Variants in SEL1L observed in about 807,000 individuals in gnomAD.
SEL1L encodes protein sel-1 homolog 1.
Under a neutral mutation model 109.8 loss-of-function variants are expected in SEL1L, and 52 were observed. The ratio of observed to expected loss-of-function variants is 0.47; its 90% confidence interval spans 0.38 to 0.60. The LOEUF is 0.60. Among genes scored for constraint, SEL1L ranks in the 20% least tolerant of loss-of-function variants. The pLI is 0.00. For missense variants in SEL1L, 749 were observed against 962.2 expected, an observed-to-expected ratio of 0.78 and a Z score of 2.93; for synonymous variants, 373 against 339.6, an observed-to-expected ratio of 1.10 and a Z score of -1.08.
At chr14:81,486,648 T>TAA (rs373650913) in intron 16 of SEL1L, among the ~76,000 whole-genome samples, 194 bp from the exon 17 acceptor site, 5 of 143,264 alleles carry the variant, frequency 3.5e-5, no homozygotes, top group African/African-American at 5.0e-5. Flanking sequence ...AACAGGTTTA[T>TAA]AAAAAAAAAA....
chr14:81,492,010 T>C (rs1227356036), intron 12 of SEL1L, among the ~76,000 whole-genome samples: 1 of 152,084 alleles, frequency 6.6e-6, no homozygotes, highest in East Asian at 1.9e-4. Flanking sequence ...AGAATTAACA[T>C]ACTGATGAGC....
chr14:81,511,599 T>C (rs955804854), intron 3 of SEL1L, among the ~76,000 whole-genome samples: 8 of 152,234 alleles, frequency 5.3e-5, no homozygotes, highest in Non-Finnish European at 8.8e-5. Context: ...AAAAAGCCTT[T>C]TCATGAAAGT....
intron 3 of SEL1L, among the ~76,000 whole-genome samples, chr14:81,525,996 A>G (rs140370769): frequency 3.0e-4 from 45 of 152,264 alleles, no homozygotes; most frequent in African/African-American, 9.4e-4. Context: ...ATTCATGAGA[A>G]TGGTATATTT....
intron 3 of SEL1L, among the ~76,000 whole-genome samples, chr14:81,516,576 C>T (rs1474883588): frequency 6.6e-6 from 1 of 152,120 alleles, no homozygotes; most frequent in Non-Finnish European, 1.5e-5. Context: ...GGAACAAATT[C>T]CGGACACGCC....
intron 3 of SEL1L, among the ~76,000 whole-genome samples, chr14:81,513,462 G>A (rs867584113): frequency 3.9e-5 from 6 of 152,034 alleles, no homozygotes; most frequent in South Asian, 2.1e-4. Context: ...AACTCCAGAC[G>A]CGCCACCTTA....
rs1485373892 is a variant in SEL1L at position 81,502,810 on chromosome 14, A to G, written c.688T>C (p.Leu230=). The G allele has an allele frequency of 2.5e-6, 4 of 1,614,032 alleles. No homozygotes were observed. The highest frequency in any genetic ancestry group is 3.4e-6 in the Non-Finnish European group (4 of 1,180,002). Residue 230 remains leucine (L), a synonymous_variant, in exon 6 of 21, where the codon TTA becomes CTA. Coordinates refer to ENST00000336735, the MANE Select transcript of SEL1L (RefSeq NM_005065.6). ...TTCTGTGGCAAGTAATCACCAAATA[A>G]AAGAGCATATGACACTCTCTCCAGG... is the stretch of plus-strand genomic sequence containing the variant. ...KALERVSYAL[L]FGDYLPQNIQ...
chr14:81,498,253 T>C, intron 9 of SEL1L, 160 bp downstream of exon 9: 1 of 824,022 alleles, frequency 1.2e-6, no homozygotes, highest in Non-Finnish European at 1.8e-6. Context: ...AGCAAAATTA[T>C]ATAAAGAAAA....
In SEL1L at chr14:81,476,128, G is replaced by T. The variant is rs80320557; in HGVS notation, c.*844C>A. 4,099 of 152,272 alleles carry T rather than the reference G, an allele frequency of 0.027. 183 individuals carry two copies. The highest frequency in any genetic ancestry group is 0.094 in the African/African-American group (3,898 of 41,530). The allele number at this position is 152,272 out of a possible 1,614,324, so 9.4% of individuals were successfully genotyped here. A position where few individuals can be genotyped will look rare whatever the true frequency, so the allele number is the denominator to read the frequency against. The stretch of plus-strand genomic sequence containing the variant: ...TAGTACCCCAACCAGAGTTCGTTTT[G>T]TTTTCTAATTTCTCCCACTTAGTCC... On this transcript the variant is annotated 3_prime_UTR_variant, in exon 21 of 21. Coordinates refer to ENST00000336735, the MANE Select transcript of SEL1L (RefSeq NM_005065.6).
intron 19 of SEL1L, among the ~76,000 whole-genome samples, chr14:81,481,629 C>T (rs1047805025): frequency 6.6e-6 from 1 of 152,126 alleles, no homozygotes; most frequent in African/African-American, 2.4e-5. Context: ...AGTCAATCCT[C>T]ATATTTAATA....
In SEL1L at chr14:81,483,060, T is replaced by C. The variant is rs550017049; in HGVS notation, c.2046+1165A>G. On this transcript the variant is annotated intron_variant, in intron 19 of 20. Transcript: ENST00000336735. ...ACCTATCAAGTAGTCAGGAGATTGA[T>C]CATTAAAAATAATTTCTAATGACAA... 3.9e-5 allele frequency among the ~76,000 whole-genome samples: 6 copies of C among 152,334 alleles called. No individual in the cohort carries two copies. In the South Asian group the frequency reaches 1.2e-3, roughly 32 times the overall value.
chr14:81,492,226 C>T (rs1174296770), intron 12 of SEL1L, among the ~76,000 whole-genome samples: 2 of 151,952 alleles, frequency 1.3e-5, no homozygotes, highest in Non-Finnish European at 2.9e-5. Flanking sequence ...CTCCTGACCT[C>T]CTGATCCACC....
Position 81,533,658 on chromosome 14 carries a change from AG to A in SEL1L, c.70+16del, listed in dbSNP as rs1450547059. On this transcript the variant is annotated intron_variant, in intron 1 of 20. Coordinates refer to ENST00000336735, the MANE Select transcript of SEL1L (RefSeq NM_005065.6). ...GCGGAGGCTCTGGGCCTTCAGCCCG[AG>A]GGGGCGGATACTGACCCGAGGACGC... 1.2e-6 allele frequency: 2 copies of A among 1,610,698 alleles called. No individual in the cohort carries two copies. The highest frequency in any genetic ancestry group is 1.7e-6 in the Non-Finnish European group (2 of 1,179,188).
intron 3 of SEL1L, among the ~76,000 whole-genome samples, chr14:81,519,581 T>G (rs1281065983): frequency 2.0e-5 from 3 of 152,188 alleles, no homozygotes; most frequent in East Asian, 3.8e-4. Flanking sequence ...TGGATTTTAC[T>G]TTGAGTAGGA....
At position 81,474,634 on chromosome 14, in the gene SEL1L, T is replaced by C. The variant is rs1279288166; in HGVS notation, c.*2338A>G. ...CCAACTCCTATTTGCTTAGGTACCA[T>C]GTCCCATGAACAAAAAAGAAGAAGA... is the stretch of plus-strand genomic sequence containing the variant. On this transcript the variant is annotated 3_prime_UTR_variant, in exon 21 of 21. Transcript: ENST00000336735. 1 of 152,214 alleles carries C rather than the reference T, an allele frequency of 6.6e-6. No homozygotes were observed. The highest frequency in any genetic ancestry group is 1.5e-5 in the Non-Finnish European group (1 of 68,046). 9.4% of individuals were successfully genotyped at this position (152,214 alleles called of 1,614,324 possible). A position where few individuals can be genotyped will look rare whatever the true frequency, so the allele number is the denominator to read the frequency against.
At chr14:81,527,839 A>T in intron 1 of SEL1L, 101 bp from the exon 2 acceptor site, 1 of 716,430 alleles carries the variant, frequency 1.4e-6, no homozygotes, top group Non-Finnish European at 2.3e-6. Context: ...ATAATCAAAC[A>T]TTGGATAAAT....
chr14:81,509,398 C>T (rs572575506), intron 3 of SEL1L, among the ~76,000 whole-genome samples: 47 of 152,180 alleles, frequency 3.1e-4, no homozygotes, highest in African/African-American at 1.1e-3. Flanking sequence ...AATCTGACAC[C>T]GTGAAAGGGA....
chr14:81,526,024 T>C (rs993237024), intron 3 of SEL1L, among the ~76,000 whole-genome samples: 2 of 152,188 alleles, frequency 1.3e-5, no homozygotes, highest in African/African-American at 4.8e-5. Flanking sequence ...AAAAAAATTC[T>C]ATTTTTTTAA....
chr14:81,477,303 ATGTGTG>A (rs10690579), intron 20 of SEL1L, 122 bp from the exon 21 acceptor site: 805 of 541,258 alleles, frequency 1.5e-3, no homozygotes, highest in African/African-American at 1.9e-3. Flanking sequence ...ACGTTTTGCA[ATGTGTG>A]TGTGTGTGTG....
chr14:81,513,726 T>G (rs1057392077), intron 3 of SEL1L, among the ~76,000 whole-genome samples: 23 of 152,168 alleles, frequency 1.5e-4, no homozygotes, highest in Non-Finnish European at 4.4e-5. Flanking sequence ...GACACGGATG[T>G]CAGGCTTTCT....
Sources: allele counts gnomAD v4.1 joint callset (sites outside exome capture counted in the v4.1 genomes callset), GRCh38; gene constraint gnomAD v4.1.1; transcripts MANE v1.5; gene names NCBI Gene and HGNC (gene_info 2026-07-23, HGNC 2026-07-21).